POTEG: variants seen among roughly 807,000 people sequenced by gnomAD.
The protein encoded by POTEG is POTE ankyrin domain family member G, also known as ANKRD26-like family C member 2.
Under a neutral mutation model 49.6 loss-of-function variants are expected in POTEG, and 2 were observed. That is an observed-to-expected ratio of 0.04 (90% CI 0.02 to 0.13). The LOEUF (loss-of-function observed/expected upper bound fraction) is 0.13, where lower values mean the gene tolerates loss of function less well. Among genes scored for constraint, POTEG ranks in the 10% least tolerant of loss-of-function variants. POTEG has a pLI of 1.00. For synonymous variants in POTEG, 7 were observed against 186.6 expected (o/e 0.04, Z 7.84); for missense variants, 26 against 545.2 (o/e 0.05, Z 9.48).
rs773150660 is a variant in POTEG, at chr14:19,414,544, TTGAA to T, written c.1242+14_1242+17del. ...TAAAAATCTAATTCAACACAAACAT[TTGAA>T]TATAAAAGTATACCTTTCTATCACC... On this transcript the variant is annotated intron_variant, in intron 8 of 10. Transcript: ENST00000547848. 2 of 1,595,038 alleles carry T rather than the reference TTGAA, an allele frequency of 1.3e-6. No homozygotes were observed. Among genetic ancestry groups the T allele is most frequent in the South Asian group, 1.1e-5 (1 of 88,846 alleles).
chr14:19,433,337 T>A, intron 1 of POTEG, among the ~76,000 whole-genome samples: 1 of 113,766 alleles, frequency 8.8e-6, no homozygotes, highest in Non-Finnish European at 1.8e-5. Context: ...AAGAACATAT[T>A]TACATAGTGT....
rs1385893810 is a variant in POTEG, at chr14:19,432,376, A to G, written c.521+1393T>C. Reference sequence around the variant, plus strand: ...AAAAAAAGAAATTTTGTATATATATATATATATATATATATATATATATAT... The same window carrying G: ...AAAAAAAGAAATTTTGTATATATATGTATATATATATATATATATATATAT... On this transcript the variant is annotated intron_variant, in intron 1 of 10. Coordinates refer to ENST00000547848, the MANE Select transcript of POTEG (RefSeq NM_001005356.3). Among the ~76,000 whole-genome samples, 68 of 78,950 alleles carry G rather than the reference A, an allele frequency of 8.6e-4. 1 individual carries two copies. Among genetic ancestry groups the G allele is most frequent in the East Asian group, 1.4e-3 (5 of 3,628 alleles). 51.8% of individuals were successfully genotyped at this position (78,950 alleles called of 152,430 possible).
chr14:19,407,233 A>AAT (rs1883328156), intron 9 of POTEG, among the ~76,000 whole-genome samples: 1 of 142,618 alleles, frequency 7.0e-6, no homozygotes, highest in Non-Finnish European at 1.5e-5. Context: ...GATATATAAA[A>AAT]ATATATATAT....
intron 1 of POTEG, 61 bp from the exon 2 acceptor site, chr14:19,429,050 A>G: frequency 1.6e-6 from 1 of 616,556 alleles, no homozygotes; most frequent in Non-Finnish European, 2.3e-6. Flanking sequence ...CATATCAATG[A>G]CACACATAAT....
intron 1 of POTEG, among the ~76,000 whole-genome samples, chr14:19,432,395 T>TCC (rs1884178914): frequency 1.1e-5 from 1 of 93,324 alleles, no homozygotes; most frequent in Admixed American, 1.2e-4. Context: ...TATATATATA[T>TCC]ATATATATAC....
intron 7 of POTEG, among the ~76,000 whole-genome samples, chr14:19,415,835 T>C (rs1883538674): frequency 2.5e-4 from 5 of 19,972 alleles, no homozygotes; most frequent in African/African-American, 3.7e-4. Context: ...TAAAATTTTT[T>C]TTTTTTTTTT....
chr14:19,414,805 A>G (rs1362526176), intron 7 of POTEG, among the ~76,000 whole-genome samples, 199 bp from the exon 8 acceptor site: 1 of 142,072 alleles, frequency 7.0e-6, no homozygotes, highest in African/African-American at 2.5e-5. Context: ...ATGTTTAGCT[A>G]CTGCCACATC....
intron 3 of POTEG, among the ~76,000 whole-genome samples, chr14:19,427,783 AT>A (rs1277602050): frequency 6.7e-6 from 1 of 148,612 alleles, no homozygotes; most frequent in Non-Finnish European, 1.5e-5. Flanking sequence ...TTCCCCTTAC[AT>A]TACCCACCTA....
At chr14:19,421,576 A>C (rs1227969323) in intron 6 of POTEG, 48 bp downstream of exon 6, 1 of 1,593,746 alleles carries the variant, frequency 6.3e-7, no homozygotes, top group Non-Finnish European at 8.6e-7. Flanking sequence ...TGGTGCCAAA[A>C]AGGTTGGGGA....
chr14:19,415,092 T>A (rs1158966235), intron 7 of POTEG, among the ~76,000 whole-genome samples: 1 of 145,324 alleles, frequency 6.9e-6, no homozygotes, highest in Non-Finnish European at 1.6e-5. Context: ...CACTTTAAAT[T>A]ATTAGGAGCC....
Sources: allele counts gnomAD v4.1 joint callset (sites outside exome capture counted in the v4.1 genomes callset), GRCh38; gene constraint gnomAD v4.1.1; transcripts MANE v1.5; gene names NCBI Gene and HGNC (gene_info 2026-07-23, HGNC 2026-07-21).